The following NCLN variants were observed in gnomAD, a reference collection of about 807,000 sequenced individuals.
NCLN encodes nicalin, also known as BOS complex subunit NCLN.
Under a neutral mutation model 69.5 loss-of-function variants are expected in NCLN, and 34 were observed. That is an observed-to-expected ratio of 0.49 (90% CI 0.37 to 0.65). The LOEUF (loss-of-function observed/expected upper bound fraction) is 0.65. Among genes scored for constraint, NCLN ranks in the 30% least tolerant of loss-of-function variants. The pLI, the probability that NCLN is intolerant of heterozygous loss-of-function variation, is 0.00. For synonymous variants in NCLN, 393 were observed against 358.3 expected (o/e 1.10, Z -1.09); for missense variants, 710 against 804.8 (o/e 0.88, Z 1.42).
chr19:3,191,332 G>A (rs1291478984), intron 1 of NCLN, among the ~76,000 whole-genome samples: 2 of 152,094 alleles, frequency 1.3e-5, no homozygotes, highest in African/African-American at 2.4e-5. Context: ...CGTGGGGAGC[G>A]CCACCGCAGA....
intron 1 of NCLN, among the ~76,000 whole-genome samples, chr19:3,190,082 A>G (rs1915777097): frequency 6.6e-6 from 1 of 152,124 alleles, no homozygotes; most frequent in South Asian, 2.1e-4. Flanking sequence ...CCCGGCCCCA[A>G]AGGGGTGACA....
intron 6 of NCLN, 25 bp downstream of exon 6, chr19:3,201,651 A>C (rs1916129996): frequency 1.5e-5 from 9 of 619,952 alleles, no homozygotes; most frequent in Non-Finnish European, 1.9e-5. Flanking sequence ...GGGCAGGGGG[A>C]TGGGGGTGCG....
intron 1 of NCLN, among the ~76,000 whole-genome samples, chr19:3,188,317 C>T (rs1188758780): frequency 6.6e-6 from 1 of 152,084 alleles, no homozygotes; most frequent in Non-Finnish European, 1.5e-5. Flanking sequence ...TGTCCCTGGG[C>T]AGATGTGGGC....
intron 1 of NCLN, among the ~76,000 whole-genome samples, chr19:3,189,758 A>C (rs1915763508): frequency 2.0e-5 from 3 of 152,298 alleles, no homozygotes; most frequent in South Asian, 2.1e-4. Context: ...GGCTGGGGCC[A>C]CCCAAGGCCA....
rs1388634975 is a variant in NCLN at position 3,206,034 on chromosome 19, C to T, written c.1296+8C>T. 6.2e-7 allele frequency: 1 copy of T among 1,612,194 alleles called. No homozygotes were observed. Reference sequence around the variant, plus strand: ...TACAACCTGACAGAGAAGGTGAGCCCTGAGCCCTCTGTGCCGCCAGACCCA... The same window carrying T: ...TACAACCTGACAGAGAAGGTGAGCCTTGAGCCCTCTGTGCCGCCAGACCCA... On this transcript the variant is annotated splice_region_variant and intron_variant, in intron 10 of 14. Coordinates refer to ENST00000246117, the MANE Select transcript of NCLN (RefSeq NM_020170.4).
At chr19:3,202,465 T>G (rs1916151517) in intron 6 of NCLN, among the ~76,000 whole-genome samples, 1 of 152,198 alleles carries the variant, frequency 6.6e-6, no homozygotes, top group South Asian at 2.1e-4. Flanking sequence ...GACATGACTG[T>G]GTCTCCTGTG....
intron 1 of NCLN, among the ~76,000 whole-genome samples, chr19:3,190,464 C>T (rs1038552434): frequency 1.3e-5 from 2 of 152,200 alleles, no homozygotes; most frequent in Non-Finnish European, 2.9e-5. Flanking sequence ...CCCGTTGGAG[C>T]AGGCTGCTTC....
rs374922321 is a variant in NCLN at position 3,204,539 on chromosome 19, G to A, written c.1030-34G>A. ...ATGGGCTGGGGTGGCCGCCATCCCCGCCTGCCCTCTGCTAATGGCGCCTCC... is the reference window on the plus strand; with the variant it reads ...ATGGGCTGGGGTGGCCGCCATCCCCACCTGCCCTCTGCTAATGGCGCCTCC... On this transcript the variant is annotated intron_variant, in intron 8 of 14. Transcript: ENST00000246117. The A allele has an allele frequency of 1.4e-5, 21 of 1,501,838 alleles. No homozygotes were observed. The Admixed American group carries it at 1.7e-4, about 12-fold the overall frequency. 93.0% of individuals were successfully genotyped at this position (1,501,838 alleles called of 1,614,324 possible).
intron 3 of NCLN, 42 bp from the exon 4 acceptor site, chr19:3,196,141 C>A: frequency 6.9e-7 from 1 of 1,453,528 alleles, no homozygotes; most frequent in Middle Eastern, 1.8e-4. Flanking sequence ...TGGCTGGGGC[C>A]CTGGCTGGGC....
At chr19:3,198,493 T>A (rs1599354570) in intron 4 of NCLN, among the ~76,000 whole-genome samples, 1 of 134,518 alleles carries the variant, frequency 7.4e-6, no homozygotes, top group African/African-American at 2.9e-5. Context: ...GGCGACAGAG[T>A]GAGATTCCGT....
Position 3,201,640 on chromosome 19 carries a change from T to TG in NCLN, c.800+17dup. ...CACGCACGCCGCGTGAGTGCCGGGG[T>TG]GGGCAGGGGGATGGGGGTGCGGGGG... On this transcript the variant is annotated intron_variant, in intron 6 of 14. Coordinates refer to ENST00000246117, the MANE Select transcript of NCLN (RefSeq NM_020170.4). 1.0e-6 allele frequency: 1 copy of TG among 1,003,190 alleles called. No individual in the cohort carries two copies. The highest frequency in any genetic ancestry group is 1.4e-6 in the Non-Finnish European group (1 of 717,442). 62.1% of individuals were successfully genotyped at this position (1,003,190 alleles called of 1,614,324 possible). A position where few individuals can be genotyped will look rare whatever the true frequency, so the allele number is the denominator to read the frequency against.
rs568332157 is a variant in NCLN, at chr19:3,186,789, C to T, written c.184+575C>T. Among the ~76,000 whole-genome samples the T allele has an allele frequency of 2.0e-5, 3 of 152,298 alleles. No individual in the cohort carries two copies. In the East Asian group the frequency reaches 5.8e-4, roughly 29 times the overall value. On this transcript the variant is annotated intron_variant, in intron 1 of 14. Coordinates refer to ENST00000246117, the MANE Select transcript of NCLN (RefSeq NM_020170.4). The stretch of plus-strand genomic sequence containing the variant: ...TTCTGCCAGGCTGAGCCACCCGACG[C>T]GGTGGTCCAGCATTCCCCACCCCCT...
chr19:3,207,334 G>A (rs1329784687), intron 13 of NCLN, 57 bp from the exon 14 acceptor site: 2 of 1,612,216 alleles, frequency 1.2e-6, no homozygotes, highest in African/African-American at 1.3e-5. Flanking sequence ...GGGGTCTAGG[G>A]GTTCATGTTA....
At chr19:3,206,072 C>CCCCCGGCCCCGG (rs3217399) in intron 10 of NCLN, 46 bp downstream of exon 10, 4 of 1,603,126 alleles carry the variant, frequency 2.5e-6, no homozygotes, top group East Asian at 4.5e-5. Context: ...CCCAGCCCTG[C>CCCCCGGCCCCGG]CCCCGGCCCC....
chr19:3,196,409 C>A, intron 4 of NCLN, 132 bp downstream of exon 4: 1 of 645,422 alleles, frequency 1.5e-6, no homozygotes, highest in Non-Finnish European at 2.6e-6. Context: ...CCCTGCCTGG[C>A]TGAAAACCTC....
chr19:3,191,382 C>T (rs1357516906), intron 1 of NCLN, among the ~76,000 whole-genome samples: 1 of 152,204 alleles, frequency 6.6e-6, no homozygotes, highest in African/African-American at 2.4e-5. Flanking sequence ...CCCAGGCTCT[C>T]AGCGACGGCC....
chr19:3,206,207 A>AGTGG lies in NCLN; in HGVS notation c.1335+31_1335+34dup, dbSNP rs773037960. The AGTGG allele has an allele frequency of 1.8e-5, 7 of 381,102 alleles. No individual in the cohort carries two copies. In the East Asian group the frequency reaches 4.3e-4, roughly 23 times the overall value. The allele number at this position is 381,102 out of a possible 1,614,324, so 23.6% of individuals were successfully genotyped here. A position where few individuals can be genotyped will look rare whatever the true frequency, so the allele number is the denominator to read the frequency against. The stretch of plus-strand genomic sequence containing the variant: ...GAGCAGATGGTAAGGGGGCCAGGCC[A>AGTGG]GTGGGTGGGTGGGTGGGCGGGGCCA... On this transcript the variant is annotated intron_variant, in intron 11 of 14. Coordinates refer to ENST00000246117, the MANE Select transcript of NCLN (RefSeq NM_020170.4).
intron 3 of NCLN, among the ~76,000 whole-genome samples, chr19:3,193,847 G>A (rs192186728): frequency 6.6e-5 from 10 of 152,382 alleles, no homozygotes; most frequent in Non-Finnish European, 1.3e-4. Flanking sequence ...AGGGGCACAC[G>A]CCTTTCCTCC....
chr19:3,204,027 T>C lies in NCLN; in HGVS notation c.912T>C (p.Asn304=), dbSNP rs374684485. 3 of 1,574,304 alleles carry C rather than the reference T, an allele frequency of 1.9e-6. No individual in the cohort carries two copies. Among genetic ancestry groups the C allele is most frequent in the Non-Finnish European group, 1.7e-6 (2 of 1,159,946 alleles). The change falls in exon 8 of 15, where the codon AAT becomes AAC. Residue 304 remains asparagine, a synonymous_variant. Coordinates refer to ENST00000246117, the MANE Select transcript of NCLN (RefSeq NM_020170.4). ...DHTDSSLLQD[N]VAFVLCLDTV... is the part of the protein sequence containing the mutation. Reference sequence around the variant, plus strand: ...CAGACTCCAGCCTGCTTCAGGACAATGTGGCCTTCGTGCTGTGCCTGGACA... The same window carrying C: ...CAGACTCCAGCCTGCTTCAGGACAACGTGGCCTTCGTGCTGTGCCTGGACA...
Sources: gnomAD v4.1 joint callset for allele counts (sites outside exome capture counted in the v4.1 genomes callset) on GRCh38, gnomAD v4.1.1 for gene constraint, MANE v1.5 for transcripts, NCBI Gene and HGNC (gene_info 2026-07-23, HGNC 2026-07-21) for gene names.